The following MGAT4C variants were observed in gnomAD, a reference collection of about 807,000 sequenced individuals.
MGAT4C encodes alpha-1,3-mannosyl-glycoprotein 4-beta-N-acetylglucosaminyltransferase C.
MGAT4C carries 19 observed loss-of-function variants against 40.1 expected under a neutral mutation model. The observed-to-expected ratio is 0.47, with a 90% CI of 0.33 to 0.70. The LOEUF (loss-of-function observed/expected upper bound fraction) is 0.70, where lower values mean the gene tolerates loss of function less well. Among genes scored for constraint, MGAT4C ranks in the 30% least tolerant of loss-of-function variants. MGAT4C has a pLI of 0.02. For synonymous variants in MGAT4C, 181 were observed against 187.1 expected (o/e 0.97, Z 0.27); for missense variants, 491 against 563.2 (o/e 0.87, Z 1.30).
chr12:86,028,141 A>T, intron 2 of MGAT4C: 1 of 1,288,580 alleles, frequency 7.8e-7, no homozygotes, highest in Non-Finnish European at 1.0e-6. Context: ...ACTCCTCTGC[A>T]CAGTCTTTCT....
At chr12:86,640,119 T>A (rs907395882) in intron 2 of MGAT4C, among the ~76,000 whole-genome samples, 4 of 151,648 alleles carry the variant, frequency 2.6e-5, no homozygotes, top group African/African-American at 9.7e-5. Flanking sequence ...AAACCTCACA[T>A]TGCACCCCAT....
chr12:86,591,594 A>T (rs1961333561), intron 2 of MGAT4C, among the ~76,000 whole-genome samples: 1 of 151,924 alleles, frequency 6.6e-6, no homozygotes, highest in Non-Finnish European at 1.5e-5. Flanking sequence ...GAGAATACTT[A>T]AGAACTCATT....
intron 3 of MGAT4C, among the ~76,000 whole-genome samples, chr12:86,369,549 A>C (rs553237765): frequency 6.6e-6 from 1 of 152,098 alleles, no homozygotes; most frequent in South Asian, 2.1e-4. Flanking sequence ...AATTGCTTAT[A>C]GTTATAACAG....
At chr12:86,083,463 C>T (rs1871219843) in intron 1 of MGAT4C, among the ~76,000 whole-genome samples, 1 of 152,050 alleles carries the variant, frequency 6.6e-6, no homozygotes, top group Non-Finnish European at 1.5e-5. Context: ...TATGATCTGT[C>T]TGCCCCTCTC....
At chr12:86,239,441 C>T (rs890681499) in intron 1 of MGAT4C, among the ~76,000 whole-genome samples, 1 of 152,114 alleles carries the variant, frequency 6.6e-6, no homozygotes. Flanking sequence ...TCAGCTGACG[C>T]ATAAATGTGT....
intron 4 of MGAT4C, among the ~76,000 whole-genome samples, chr12:86,310,606 C>T (rs1192285671): frequency 6.6e-6 from 1 of 152,080 alleles, no homozygotes; most frequent in African/African-American, 2.4e-5. Flanking sequence ...CCTATGGCTA[C>T]CAGACTGCAT....
chr12:86,412,684 C>G (rs1167584981), intron 3 of MGAT4C, among the ~76,000 whole-genome samples: 1 of 152,090 alleles, frequency 6.6e-6, no homozygotes, highest in Non-Finnish European at 1.5e-5. Context: ...TGAGTTAATG[C>G]TGAAAGAAAT....
At chr12:86,136,854 A>G (rs1441563520) in intron 1 of MGAT4C, among the ~76,000 whole-genome samples, 3 of 151,724 alleles carry the variant, frequency 2.0e-5, no homozygotes, top group African/African-American at 7.3e-5. Flanking sequence ...CGCCTGGCTA[A>G]TTTTTGTATT....
chr12:86,016,178 C>T (rs1889073116), intron 2 of MGAT4C: 1 of 152,144 alleles, frequency 6.6e-6, no homozygotes, highest in Non-Finnish European at 1.5e-5. Context: ...CTGGGACAAT[C>T]CTTTTTCTAG....
At chr12:85,981,624 G>C (rs1884613800) in intron 4 of MGAT4C, among the ~76,000 whole-genome samples, 2 of 152,124 alleles carry the variant, frequency 1.3e-5, no homozygotes. Flanking sequence ...TAAGAGGCAG[G>C]AGTTTGGGCA....
At chr12:86,219,365 G>A (rs1393677021) in intron 1 of MGAT4C, among the ~76,000 whole-genome samples, 2 of 59,866 alleles carry the variant, frequency 3.3e-5, no homozygotes, top group African/African-American at 8.9e-5. Context: ...TGAGGTGACT[G>A]TTCTAAATCT....
chr12:86,618,105 A>G (rs890378470), intron 2 of MGAT4C, among the ~76,000 whole-genome samples: 1 of 152,218 alleles, frequency 6.6e-6, no homozygotes, highest in African/African-American at 2.4e-5. Flanking sequence ...CTTCAGGGAA[A>G]TGCAAATCAA....
At chr12:86,377,929 T>C (rs1376515848) in intron 3 of MGAT4C, among the ~76,000 whole-genome samples, 1 of 152,206 alleles carries the variant, frequency 6.6e-6, no homozygotes. Flanking sequence ...TTGATTAATA[T>C]AGATACTTTA....
At chr12:86,330,713 C>T (rs1320033102) in intron 4 of MGAT4C, among the ~76,000 whole-genome samples, 1 of 152,074 alleles carries the variant, frequency 6.6e-6, no homozygotes, top group African/African-American at 2.4e-5. Flanking sequence ...GTTTTGATTA[C>T]TTATTATATT....
At chr12:85,999,151 A>T (rs1886990677) in intron 2 of MGAT4C, among the ~76,000 whole-genome samples, 1 of 152,104 alleles carries the variant, frequency 6.6e-6, no homozygotes, top group Non-Finnish European at 1.5e-5. Flanking sequence ...ATCTCATGAG[A>T]CTTATTCACT....
intron 2 of MGAT4C, among the ~76,000 whole-genome samples, chr12:86,526,145 T>A (rs867131857): frequency 6.6e-6 from 1 of 152,132 alleles, no homozygotes; most frequent in South Asian, 2.1e-4. Flanking sequence ...GCAAGGGTGG[T>A]TGCTCAGGAT....
chr12:86,455,623 A>G (rs1387474460), intron 2 of MGAT4C, among the ~76,000 whole-genome samples: 1 of 152,146 alleles, frequency 6.6e-6, no homozygotes, highest in Non-Finnish European at 1.5e-5. Context: ...GAAGTCCCAC[A>G]TTTACATCTT....
chr12:86,137,635 A>T (rs950421509), intron 1 of MGAT4C, among the ~76,000 whole-genome samples: 1 of 151,870 alleles, frequency 6.6e-6, no homozygotes, highest in Non-Finnish European at 1.5e-5. Flanking sequence ...ATGTCTAGGA[A>T]CTCTCTTTGG....
intron 3 of MGAT4C, among the ~76,000 whole-genome samples, chr12:86,419,002 T>A (rs993370436): frequency 6.6e-6 from 1 of 152,152 alleles, no homozygotes; most frequent in Non-Finnish European, 1.5e-5. Context: ...TTTCTCTAGG[T>A]TAAAGAGTTA....
Sources: allele counts gnomAD v4.1 joint callset (sites outside exome capture counted in the v4.1 genomes callset), GRCh38; gene constraint gnomAD v4.1.1; transcripts MANE v1.5; gene names NCBI Gene and HGNC (gene_info 2026-07-23, HGNC 2026-07-21).